The following LDAH variants were observed in gnomAD, a reference collection of about 807,000 sequenced individuals.
LDAH encodes lipid droplet-associated hydrolase.
LDAH carries 26 observed loss-of-function variants against 29.6 expected under a neutral mutation model. The ratio of observed to expected loss-of-function variants is 0.88; its 90% CI spans 0.64 to 1.22. The LOEUF (loss-of-function observed/expected upper bound fraction) is 1.22. Among genes scored for constraint, LDAH ranks in the 50% most tolerant of loss-of-function variants. The pLI, the probability that LDAH is intolerant of heterozygous loss-of-function variation, is 0.00. For missense variants in LDAH, 344 were observed against 387.3 expected (o/e 0.89, Z 0.94); for synonymous variants, 117 against 133.0 (o/e 0.88, Z 0.83).
intron 1 of LDAH, among the ~76,000 whole-genome samples, chr2:20,820,602 A>G (rs1170395406): frequency 6.6e-6 from 1 of 151,180 alleles, no homozygotes; most frequent in Non-Finnish European, 1.5e-5. Flanking sequence ...TACACCTTAT[A>G]CAAAAATTAA....
rs577777370 is a variant in LDAH at position 20,789,111 on chromosome 2, A to C, written c.298+1144T>G. On this transcript the variant is annotated intron_variant, in intron 3 of 6. Coordinates refer to ENST00000237822, the MANE Select transcript of LDAH (RefSeq NM_021925.4). ...CTGTTGTACCTCTGCACCCACCTCC[A>C]TGCCCTAAATCCAAATTTTATTCAA... 48 of 1,549,862 alleles carry C rather than the reference A, an allele frequency of 3.1e-5. No individual in the cohort carries two copies. In the East Asian group the frequency reaches 9.5e-4, roughly 31 times the overall value.
intron 5 of LDAH, among the ~76,000 whole-genome samples, chr2:20,711,453 C>T (rs1020464756): frequency 6.6e-6 from 1 of 151,694 alleles, no homozygotes; most frequent in Non-Finnish European, 1.5e-5. Flanking sequence ...CTCCGGTCTG[C>T]AGCTTCCAGC....
intron 3 of LDAH, among the ~76,000 whole-genome samples, chr2:20,785,868 T>C (rs1220458587): frequency 6.6e-6 from 1 of 152,200 alleles, no homozygotes; most frequent in African/African-American, 2.4e-5. Flanking sequence ...TTTGATTCTT[T>C]CTTAAGAGTT....
At chr2:20,723,313 G>C (rs1295161702) in intron 5 of LDAH, among the ~76,000 whole-genome samples, 1 of 152,140 alleles carries the variant, frequency 6.6e-6, no homozygotes, top group African/African-American at 2.4e-5. Context: ...GGAAAATGGA[G>C]TAAGTGAGAT....
At chr2:20,747,710 A>G (rs1276171637) in intron 4 of LDAH, among the ~76,000 whole-genome samples, 2 of 152,216 alleles carry the variant, frequency 1.3e-5, no homozygotes, top group African/African-American at 2.4e-5. Flanking sequence ...TAAAAACTTC[A>G]TATGTCAGAA....
intron 1 of LDAH, among the ~76,000 whole-genome samples, chr2:20,814,443 C>T (rs1672716344): frequency 6.6e-6 from 1 of 151,934 alleles, no homozygotes; most frequent in African/African-American, 2.4e-5. Flanking sequence ...GGAGAAAGAA[C>T]TTTTTGATTT....
intron 5 of LDAH, among the ~76,000 whole-genome samples, chr2:20,717,484 A>G (rs965861790): frequency 5.9e-5 from 9 of 152,326 alleles, no homozygotes; most frequent in South Asian, 2.1e-4. Context: ...ACTCACCCTC[A>G]TTAGCTATCA....
intron 4 of LDAH, among the ~76,000 whole-genome samples, chr2:20,746,852 A>T (rs1667604794): frequency 6.6e-6 from 1 of 152,126 alleles, no homozygotes; most frequent in Non-Finnish European, 1.5e-5. Context: ...ACATTTTCGC[A>T]TATTTCACAT....
intron 3 of LDAH, among the ~76,000 whole-genome samples, chr2:20,780,530 T>C (rs1670122329): frequency 6.6e-6 from 1 of 152,166 alleles, no homozygotes; most frequent in African/African-American, 2.4e-5. Context: ...TGTGTGGTTA[T>C]ATGGAAAGGT....
intron 3 of LDAH, chr2:20,788,843 AT>A (rs1670740500): frequency 3.3e-6 from 1 of 300,672 alleles, no homozygotes; most frequent in Non-Finnish European, 6.3e-6. Flanking sequence ...TTTATGTTTT[AT>A]AAACTTATAT....
intron 4 of LDAH, among the ~76,000 whole-genome samples, chr2:20,763,971 T>C (rs1470971128): frequency 6.6e-6 from 1 of 152,234 alleles, no homozygotes; most frequent in Non-Finnish European, 1.5e-5. Context: ...GGTGATTTTT[T>C]TTTTTTTGCA....
chr2:20,783,552 C>T (rs1670347996), intron 3 of LDAH, among the ~76,000 whole-genome samples: 1 of 152,148 alleles, frequency 6.6e-6, no homozygotes, highest in African/African-American at 2.4e-5. Context: ...CCTCTTTATC[C>T]CTGACATTTT....
chr2:20,757,863 G>C (rs1247119786), intron 4 of LDAH, among the ~76,000 whole-genome samples: 2 of 152,194 alleles, frequency 1.3e-5, no homozygotes, highest in Middle Eastern at 3.4e-3. Context: ...CCAGCCTTTG[G>C]ACTGGAATTA....
intron 3 of LDAH, 54 bp downstream of exon 3, chr2:20,790,201 G>C (rs1488460540): frequency 6.3e-7 from 1 of 1,577,622 alleles, no homozygotes; most frequent in African/African-American, 1.4e-5. Context: ...AAGCTTGCTA[G>C]AAACATGACC....
At chr2:20,799,981 T>C (rs1424147906) in intron 2 of LDAH, among the ~76,000 whole-genome samples, 2 of 152,164 alleles carry the variant, frequency 1.3e-5, no homozygotes, top group Non-Finnish European at 2.9e-5. Flanking sequence ...TACTTTACAA[T>C]ACAGTTAGCA....
intron 5 of LDAH, among the ~76,000 whole-genome samples, chr2:20,715,425 C>T (rs981164969): frequency 6.6e-6 from 1 of 152,136 alleles, no homozygotes; most frequent in African/African-American, 2.4e-5. Context: ...GCCAGTATCA[C>T]ACTGAATGGG....
At chr2:20,766,358 G>A (rs1249979301) in intron 4 of LDAH, among the ~76,000 whole-genome samples, 1 of 152,148 alleles carries the variant, frequency 6.6e-6, no homozygotes, top group Non-Finnish European at 1.5e-5. Flanking sequence ...AAAATTTGAG[G>A]AGTGAAAATT....
intron 4 of LDAH, among the ~76,000 whole-genome samples, chr2:20,766,129 CTA>C (rs959308506): frequency 2.6e-5 from 4 of 151,540 alleles, no homozygotes; most frequent in African/African-American, 9.7e-5. Flanking sequence ...TTATAATCTA[CTA>C]TGTTATCAAC....
intron 5 of LDAH, among the ~76,000 whole-genome samples, chr2:20,730,751 T>C (rs1666345621): frequency 6.6e-6 from 1 of 152,178 alleles, no homozygotes; most frequent in Non-Finnish European, 1.5e-5. Flanking sequence ...TCTTTTTTTC[T>C]TTTGGCCTAA....
Sources: allele counts gnomAD v4.1 joint callset (sites outside exome capture counted in the v4.1 genomes callset), GRCh38; gene constraint gnomAD v4.1.1; transcripts MANE v1.5; gene names NCBI Gene and HGNC (gene_info 2026-07-23, HGNC 2026-07-21).